Variants in TM9SF4 observed in about 807,000 individuals in gnomAD.
TM9SF4 encodes the protein transmembrane 9 superfamily member 4.
In TM9SF4, 26 loss-of-function variants were observed where a neutral mutation model predicts 90.4. The ratio of observed to expected loss-of-function variants is 0.29; its 90% CI spans 0.21 to 0.40. The LOEUF is 0.40. Among genes scored for constraint, TM9SF4 ranks in the 10% least tolerant of loss-of-function variants. TM9SF4 has a pLI of 1.00. For missense variants in TM9SF4, 549 were observed against 834.8 expected (o/e 0.66, Z 4.22); for synonymous variants, 293 against 315.4 (o/e 0.93, Z 0.75).
intron 1 of TM9SF4, among the ~76,000 whole-genome samples, chr20:32,123,866 A>ATATTTTTT: frequency 5.3e-5 from 5 of 93,964 alleles, no homozygotes; most frequent in Admixed American, 1.2e-4. Flanking sequence ...ATATATATAT[A>ATATTTTTT]TTTTTTTTTT....
intron 9 of TM9SF4, among the ~76,000 whole-genome samples, chr20:32,149,003 CTTT>C (rs2046803686): frequency 6.6e-6 from 1 of 152,162 alleles, no homozygotes; most frequent in Non-Finnish European, 1.5e-5. Context: ...CAATGTCAAG[CTTT>C]TATTGACCTG....
chr20:32,127,557 A>G (rs142862946), intron 1 of TM9SF4, among the ~76,000 whole-genome samples: 1 of 152,350 alleles, frequency 6.6e-6, no homozygotes, highest in African/African-American at 2.4e-5. Flanking sequence ...CCTTGTGCTT[A>G]GGAGGTGCTC....
At chr20:32,113,299 G>A (rs1318417099) in intron 1 of TM9SF4, among the ~76,000 whole-genome samples, 1 of 152,172 alleles carries the variant, frequency 6.6e-6, no homozygotes, top group Non-Finnish European at 1.5e-5. Context: ...CCAGAACAAT[G>A]TCAGTATGGA....
intron 9 of TM9SF4, among the ~76,000 whole-genome samples, chr20:32,149,176 T>G (rs1323572671): frequency 6.6e-6 from 1 of 152,268 alleles, no homozygotes; most frequent in Admixed American, 6.5e-5. Context: ...TTTATTTTTA[T>G]ATCGTTCTGT....
At chr20:32,119,089 C>T (rs527993109) in intron 1 of TM9SF4, among the ~76,000 whole-genome samples, 1 of 152,292 alleles carries the variant, frequency 6.6e-6, no homozygotes, top group Admixed American at 6.5e-5. Context: ...CAGTGGCTCA[C>T]ACCTGTAATC....
At chr20:32,144,099 C>T (rs1293060471) in intron 6 of TM9SF4, among the ~76,000 whole-genome samples, 3 of 152,206 alleles carry the variant, frequency 2.0e-5, no homozygotes, top group Non-Finnish European at 2.9e-5. Context: ...GCGCCCACTA[C>T]CGCACCTGGC....
At chr20:32,125,059 C>T (rs1399703379) in intron 1 of TM9SF4, among the ~76,000 whole-genome samples, 2 of 152,142 alleles carry the variant, frequency 1.3e-5, no homozygotes, top group Non-Finnish European at 2.9e-5. Flanking sequence ...TCAACCTGTT[C>T]ATCAGGGCAG....
chr20:32,139,365 G>A (rs541050740), intron 3 of TM9SF4, among the ~76,000 whole-genome samples: 1 of 152,200 alleles, frequency 6.6e-6, no homozygotes, highest in South Asian at 2.1e-4. Context: ...CTAGAACCTG[G>A]TTGTAGAAAC....
intron 1 of TM9SF4, among the ~76,000 whole-genome samples, chr20:32,112,539 C>T (rs2046159112): frequency 6.6e-6 from 1 of 151,818 alleles, no homozygotes; most frequent in Non-Finnish European, 1.5e-5. Flanking sequence ...TCTAAAAATA[C>T]AAAAATTAGC....
chr20:32,145,449 A>G (rs2046749993), intron 8 of TM9SF4, 26 bp downstream of exon 8: 2 of 1,594,764 alleles, frequency 1.3e-6, no homozygotes, highest in East Asian at 2.2e-5. Context: ...GTTGAGGGAA[A>G]GGGGATGGGG....
chr20:32,143,931 T>C (rs555071935), intron 6 of TM9SF4, among the ~76,000 whole-genome samples: 13 of 151,284 alleles, frequency 8.6e-5, no homozygotes, highest in African/African-American at 3.2e-4. Context: ...CCCTGTCTCC[T>C]TTTCTTACCA....
Position 32,150,852 on chromosome 20 carries a change from C to G in TM9SF4, c.1222C>G (p.Arg408Gly), listed in dbSNP as rs201933846. ...TCTGTACCGCACTTTAAAAGGCCAT[C>G]GGTGGAAGAAAGGAGCCTTCTGTGT... ...GRLYRTLKGH[R>G]WKKGAFCTAT... is the part of the protein sequence containing the mutation. Residue 408 changes from arginine (R) to glycine (G), a missense_variant, in exon 12 of 18, where the codon CGG (arginine) becomes GGG (glycine). By Grantham distance (125) the Arg-to-Gly change is moderately radical. This residue lies in a region of TM9SF4 where 495 missense variants were observed against 711.7 expected (regional missense o/e 0.70). Coordinates refer to ENST00000398022, the MANE Select transcript of TM9SF4 (RefSeq NM_014742.4). 1.2e-6 allele frequency: 2 copies of G among 1,614,190 alleles called. No individual in the cohort carries two copies. Among genetic ancestry groups the G allele is most frequent in the South Asian group, 2.2e-5 (2 of 91,082 alleles).
At chr20:32,152,570 C>T (rs2046858347) in intron 12 of TM9SF4, among the ~76,000 whole-genome samples, 1 of 152,128 alleles carries the variant, frequency 6.6e-6, no homozygotes, top group African/African-American at 2.4e-5. Context: ...TTGCCTCTCA[C>T]TTGGCCCTCT....
Position 32,150,617 on chromosome 20 carries a change from C to T in TM9SF4, c.1088-5C>T. 3 of 1,614,212 alleles carry T rather than the reference C, an allele frequency of 1.9e-6. 1 individual carries two copies. The East Asian group carries it at 6.7e-5, about 36-fold the overall frequency. On this transcript the variant is annotated splice_polypyrimidine_tract_variant and splice_region_variant and intron_variant, in intron 10 of 17. Coordinates refer to ENST00000398022, the MANE Select transcript of TM9SF4 (RefSeq NM_014742.4). ...TCTGCCCTTCCTCCCTCCCTCCCTCCACAGTTGTAGCCATGCTTGGGATGC... is the reference window on the plus strand; with the variant it reads ...TCTGCCCTTCCTCCCTCCCTCCCTCTACAGTTGTAGCCATGCTTGGGATGC...
chr20:32,159,189 A>C (rs2046977079), intron 15 of TM9SF4: 1 of 152,258 alleles, frequency 6.6e-6, no homozygotes, highest in Non-Finnish European at 1.5e-5. Flanking sequence ...GGGTGGACAG[A>C]ATGATTCCTG....
chr20:32,120,929 G>A (rs150403463), intron 1 of TM9SF4, among the ~76,000 whole-genome samples: 61 of 152,260 alleles, frequency 4.0e-4, no homozygotes, highest in African/African-American at 1.4e-3. Flanking sequence ...TTTATCTGGT[G>A]TATTATATTA....
chr20:32,124,744 G>A lies in TM9SF4; in HGVS notation c.16-8269G>A, dbSNP rs558574174. Among the ~76,000 whole-genome samples the A allele has an allele frequency of 2.8e-4, 43 of 152,078 alleles. No individual in the cohort carries two copies. In the East Asian group the frequency reaches 3.9e-3, roughly 14 times the overall value. ...TGGGATTACAGGCGTGTGCCACCAC[G>A]CCTGGCTAATTTTTGTATTTTTAGT... On this transcript the variant is annotated intron_variant, in intron 1 of 17. Coordinates refer to ENST00000398022, the MANE Select transcript of TM9SF4 (RefSeq NM_014742.4).
intron 8 of TM9SF4, among the ~76,000 whole-genome samples, chr20:32,146,089 T>TA (rs2046758476): frequency 6.6e-6 from 1 of 152,230 alleles, no homozygotes; most frequent in South Asian, 2.1e-4. Context: ...TAATGCTAAA[T>TA]ACTGTTTATT....
chr20:32,136,063 A>T lies in TM9SF4; in HGVS notation c.130-11A>T. 1 of 1,613,550 alleles carries T rather than the reference A, an allele frequency of 6.2e-7. No individual in the cohort carries two copies. Among genetic ancestry groups the T allele is most frequent in the Non-Finnish European group, 8.5e-7 (1 of 1,179,580 alleles). ...TATTGGTCATCTTGGTTTCTGCTGGATTCCCATCAGGCTGTGAAGCTCACC... is the reference window on the plus strand; with the variant it reads ...TATTGGTCATCTTGGTTTCTGCTGGTTTCCCATCAGGCTGTGAAGCTCACC... On this transcript the variant is annotated splice_polypyrimidine_tract_variant and intron_variant, in intron 2 of 17. Transcript: ENST00000398022.
Sources: gnomAD v4.1 joint callset for allele counts (sites outside exome capture counted in the v4.1 genomes callset) on GRCh38, gnomAD v4.1.1 for gene constraint, gnomAD v4.1.1 regional missense constraint, MANE v1.5 for transcripts, NCBI Gene and HGNC (gene_info 2026-07-23, HGNC 2026-07-21) for gene names.